Variants in JAK2 observed in about 807,000 individuals in gnomAD.
JAK2 encodes the protein Janus kinase 2, also known as tyrosine-protein kinase JAK2.
In JAK2, 86 loss-of-function variants were observed where a neutral mutation model predicts 139.3. The observed-to-expected ratio is 0.62, with a 90% CI of 0.52 to 0.74. The LOEUF is 0.74. Ranked by LOEUF, JAK2 falls within the 30% of genes least tolerant of loss-of-function variation. The pLI, the probability that JAK2 is intolerant of heterozygous loss-of-function variation, is 0.00. For synonymous variants in JAK2, 490 were observed against 437.7 expected (o/e 1.12, Z -1.49); for missense variants, 1,421 against 1,360.3 (o/e 1.04, Z -0.70).
At chr9:5,096,454 A>G (rs1820994715) in intron 22 of JAK2, among the ~76,000 whole-genome samples, 2 of 152,186 alleles carry the variant, frequency 1.3e-5, no homozygotes, top group South Asian at 4.1e-4. Flanking sequence ...GTTAACAGCT[A>G]AATACCCTAA....
chr9:5,100,495 T>C (rs757303432), intron 22 of JAK2: 3 of 152,226 alleles, frequency 2.0e-5, no homozygotes, highest in South Asian at 2.1e-4. Flanking sequence ...ATTCTATTTA[T>C]TATCTGAGAA....
At chr9:5,087,198 G>C (rs766102641) in intron 19 of JAK2, among the ~76,000 whole-genome samples, 1 of 152,210 alleles carries the variant, frequency 6.6e-6, no homozygotes, top group Admixed American at 6.5e-5. Flanking sequence ...TTAATTGACT[G>C]ACAGTTACCC....
At chr9:5,046,767 G>C (rs974995565) in intron 5 of JAK2, among the ~76,000 whole-genome samples, 2 of 152,094 alleles carry the variant, frequency 1.3e-5, no homozygotes, top group African/African-American at 4.8e-5. Flanking sequence ...GGGGAATGGA[G>C]AGAGGCTTCT....
rs116297672 is a variant in JAK2 at position 5,016,021 on chromosome 9, A to T, written c.-25-5942A>T. ...CTGGGTTTCCTGTACAGAAGTAGGC[A>T]TTGGAGACAGTTTTGCTCTTGTGGT... On this transcript the variant is annotated intron_variant, in intron 2 of 24. Coordinates refer to ENST00000381652, the MANE Select transcript of JAK2 (RefSeq NM_004972.4). Among the ~76,000 whole-genome samples, 645 of 152,364 alleles carry T rather than the reference A, an allele frequency of 4.2e-3. 7 individuals carry two copies. The highest frequency in any genetic ancestry group is 0.015 in the African/African-American group (619 of 41,580).
At chr9:4,993,919 C>T (rs1820409898) in intron 2 of JAK2, among the ~76,000 whole-genome samples, 1 of 152,122 alleles carries the variant, frequency 6.6e-6, no homozygotes, top group Non-Finnish European at 1.5e-5. Flanking sequence ...GTTAGTGGAT[C>T]GGTGTGTCTA....
At chr9:5,023,315 T>C (rs937949204) in intron 3 of JAK2, among the ~76,000 whole-genome samples, 2 of 152,212 alleles carry the variant, frequency 1.3e-5, no homozygotes, top group African/African-American at 2.4e-5. Context: ...GTTCCATCCA[T>C]GTTGCTGTGA....
At chr9:5,038,634 A>G (rs1350295002) in intron 4 of JAK2, among the ~76,000 whole-genome samples, 7 of 150,498 alleles carry the variant, frequency 4.7e-5, no homozygotes, top group Non-Finnish European at 4.4e-5. Context: ...ATATTTGCAG[A>G]GTATACGCTG....
Position 5,089,929 on chromosome 9 carries a change from T to C in JAK2, c.2761+66T>C, listed in dbSNP as rs562240905. 45 of 1,120,354 alleles carry C rather than the reference T, an allele frequency of 4.0e-5. No individual in the cohort carries two copies. In the African/African-American group the frequency reaches 6.6e-4, roughly 17 times the overall value. 69.4% of individuals were successfully genotyped at this position (1,120,354 alleles called of 1,614,324 possible). A position where few individuals can be genotyped will look rare whatever the true frequency, so the allele number is the denominator to read the frequency against. ...TGTTTGGCATCCTGTGTAATATAAA[T>C]GTACAATGTCTTAACGATCTGGACT... On this transcript the variant is annotated intron_variant, in intron 20 of 24. Transcript: ENST00000381652.
At chr9:5,005,024 C>T (rs1380840848) in intron 2 of JAK2, among the ~76,000 whole-genome samples, 1 of 148,082 alleles carries the variant, frequency 6.8e-6, no homozygotes, top group Non-Finnish European at 1.5e-5. Flanking sequence ...GCAAGTGATC[C>T]TCCTCCTTCA....
chr9:5,029,308 T>A (rs1337864235), intron 3 of JAK2, among the ~76,000 whole-genome samples: 1 of 152,190 alleles, frequency 6.6e-6, no homozygotes, highest in African/African-American at 2.4e-5. Flanking sequence ...CTTATGTTTG[T>A]CATCTTATAT....
At position 5,020,377 on chromosome 9, in the gene JAK2, G is replaced by C. The variant is rs151199173; in HGVS notation, c.-25-1586G>C. On this transcript the variant is annotated intron_variant, in intron 2 of 24. Transcript: ENST00000381652. ...TGGATACGTGGGAGTGGGGTGCTGA[G>C]CTGGGCAGGGTGAGAGTATCCTCAG... Among the ~76,000 whole-genome samples, 876 of 152,314 alleles carry C rather than the reference G, an allele frequency of 5.8e-3. 9 individuals are homozygous for C. The highest frequency in any genetic ancestry group is 0.02 in the African/African-American group (835 of 41,570).
chr9:5,074,112 C>A (rs949083913), intron 14 of JAK2, among the ~76,000 whole-genome samples: 1 of 152,030 alleles, frequency 6.6e-6, no homozygotes, highest in Non-Finnish European at 1.5e-5. Flanking sequence ...CTTTTCAGTA[C>A]AAACTTATCT....
chr9:5,073,777 G>T lies in JAK2; in HGVS notation c.1856G>T (p.Gly619Val). 1 of 1,602,722 alleles carries T rather than the reference G, an allele frequency of 6.2e-7. No individual in the cohort carries two copies. Among genetic ancestry groups the T allele is most frequent in the Non-Finnish European group, 8.5e-7 (1 of 1,170,672 alleles). Reference sequence around the variant, plus strand: ...TTAAATTATGGAGTATGTGTCTGTGGAGACGAGAGTAAGTAAAACTACAGG... The same window carrying T: ...TTAAATTATGGAGTATGTGTCTGTGTAGACGAGAGTAAGTAAAACTACAGG... ...LVLNYGVCVCGDENILVQEFV... is the reference protein window; with the variant it reads ...LVLNYGVCVCVDENILVQEFV... The change falls in exon 14 of 25, where the codon GGA becomes GTA. Residue 619 changes from glycine (G) to valine (V), a missense_variant. Gly to Val is a moderately radical substitution (Grantham distance 109). Coordinates refer to ENST00000381652, the MANE Select transcript of JAK2 (RefSeq NM_004972.4).
intron 2 of JAK2, 39 bp from the exon 3 acceptor site, chr9:5,021,924 C>T (rs985783307): frequency 1.0e-5 from 13 of 1,242,544 alleles, no homozygotes; most frequent in African/African-American, 3.0e-5. Flanking sequence ...TGAGACACTG[C>T]GCCCAGCCCA....
At chr9:5,107,288 T>C (rs1391083792) in intron 22 of JAK2, among the ~76,000 whole-genome samples, 1 of 152,106 alleles carries the variant, frequency 6.6e-6, no homozygotes, top group African/African-American at 2.4e-5. Context: ...CTAATTACAT[T>C]TTTACTTCCA....
chr9:5,030,826 T>C (rs1363098758), intron 4 of JAK2, among the ~76,000 whole-genome samples: 1 of 152,176 alleles, frequency 6.6e-6, no homozygotes, highest in Non-Finnish European at 1.5e-5. Flanking sequence ...TGATGTCTAA[T>C]GTATAATTTG....
chr9:5,116,595 T>C (rs1299666935), intron 22 of JAK2, among the ~76,000 whole-genome samples: 1 of 152,198 alleles, frequency 6.6e-6, no homozygotes, highest in Non-Finnish European at 1.5e-5. Context: ...ATATTAGTTA[T>C]ATGAAGATTC....
chr9:5,050,832 G>T lies in JAK2; in HGVS notation c.614+1G>T. On this transcript the variant is annotated splice_donor_variant, in intron 6 of 24. Coordinates refer to ENST00000381652, the MANE Select transcript of JAK2 (RefSeq NM_004972.4). LOFTEE classifies it high-confidence loss of function. ...CACTGGCCATCTATAACTCTATCAG[G>T]TAATTTTCTTTTGCAAATCCTTACA... 6.2e-7 allele frequency: 1 copy of T among 1,612,174 alleles called. No individual in the cohort carries two copies. The highest frequency in any genetic ancestry group is 8.5e-7 in the Non-Finnish European group (1 of 1,178,832).
At chr9:5,096,728 G>A (rs7857081) in intron 22 of JAK2, 59,506 of 151,948 alleles carry the variant, frequency 0.39, 13,528 homozygotes, top group African/African-American at 0.64. Context: ...TATACCTGCT[G>A]TTCGGCGCAT....
Sources: gnomAD v4.1 joint callset for allele counts (sites outside exome capture counted in the v4.1 genomes callset) on GRCh38, gnomAD v4.1.1 for gene constraint, MANE v1.5 for transcripts, NCBI Gene and HGNC (gene_info 2026-07-23, HGNC 2026-07-21) for gene names.